The following ACOX3 variants were observed in gnomAD, a reference collection of about 807,000 sequenced individuals.
ACOX3 encodes the protein acyl-CoA oxidase 3, pristanoyl.
A neutral mutation model predicts 81.5 loss-of-function variants in ACOX3; 73 were observed. The observed-to-expected ratio is 0.90, with a 90% CI of 0.74 to 1.09. The LOEUF (loss-of-function observed/expected upper bound fraction) is 1.09. ACOX3 is among the 50% of genes least tolerant of loss of function. The pLI, the probability that ACOX3 is intolerant of heterozygous loss-of-function variation, is 0.00. For synonymous variants in ACOX3, 387 were observed against 375.1 expected, an observed-to-expected ratio of 1.03 and a Z score of -0.37; for missense variants, 947 against 928.0, an observed-to-expected ratio of 1.02 and a Z score of -0.27.
chr4:8,433,355 C>T (rs777979745), intron 1 of ACOX3, among the ~76,000 whole-genome samples: 35 of 152,356 alleles, frequency 2.3e-4, no homozygotes, highest in Non-Finnish European at 3.7e-4. Flanking sequence ...AAGAACACCA[C>T]GTAACCACGG....
intron 1 of ACOX3, among the ~76,000 whole-genome samples, chr4:8,435,746 C>G (rs1724200917): frequency 6.6e-6 from 1 of 152,188 alleles, no homozygotes; most frequent in Non-Finnish European, 1.5e-5. Flanking sequence ...AACAGCTGCA[C>G]CAGCAGACAC....
At position 8,433,152 on chromosome 4, in the gene ACOX3, TG is replaced by T. The variant is rs563241905; in HGVS notation, c.-15+7495del. ...CTCCCTGGACCCAGCAGCCTCTGGC[TG>T]GGGCCTGCTTCCCCAAAGGGAAACA... On this transcript the variant is annotated intron_variant, in intron 1 of 17. Coordinates refer to ENST00000356406, the MANE Select transcript of ACOX3 (RefSeq NM_003501.3). Among the ~76,000 whole-genome samples, 822 of 152,346 alleles carry T rather than the reference TG, an allele frequency of 5.4e-3. 5 individuals carry two copies. The highest frequency in any genetic ancestry group is 0.019 in the African/African-American group (785 of 41,580).
the ACOX3 span, chr4:8,357,794 A>G: frequency 1.8e-5 from 3 of 167,228 alleles, no homozygotes; most frequent in Non-Finnish European, 4.0e-5. Context: ...TCCGCCGCCC[A>G]CAGACAACAC....
intron 1 of ACOX3, chr4:8,428,314 C>G (rs1021109221): frequency 1.4e-4 from 21 of 152,784 alleles, no homozygotes; most frequent in African/African-American, 5.1e-4. Context: ...CACCTTCGGG[C>G]TCCCCGGTCC....
rs1197836546 is a variant in ACOX3 at position 8,389,182 on chromosome 4, C to T, written c.1528G>A (p.Asp510Asn). 6.2e-7 allele frequency: 1 copy of T among 1,613,716 alleles called. No individual in the cohort carries two copies. Among genetic ancestry groups the T allele is most frequent in the South Asian group, 1.1e-5 (1 of 90,992 alleles). ...FEVSSVADCL[D>N]SAVALAAYKW... Reference sequence around the variant, plus strand: ...CCACCTGTGTGTTTACCTGCAGAGTCCAAGCAGTCGGCAACACTGGAGACC... The same window carrying T: ...CCACCTGTGTGTTTACCTGCAGAGTTCAAGCAGTCGGCAACACTGGAGACC... Residue 510 changes from aspartate to asparagine, a missense_variant, in exon 13 of 18, where the codon GAC (aspartate) becomes AAC (asparagine). Transcript: ENST00000356406. This position sits in a 1 kb window ranked among gnomAD's most constrained non-coding sequence, Gnocchi z 5.3.
chr4:8,368,312 G>A lies in ACOX3; in HGVS notation c.1984-1232C>T, dbSNP rs1715726077. 2.0e-5 allele frequency among the ~76,000 whole-genome samples: 3 copies of A among 152,242 alleles called. No individual in the cohort carries two copies. Among genetic ancestry groups the A allele is most frequent in the South Asian group, 2.1e-4 (1 of 4,836 alleles). On this transcript the variant is annotated intron_variant, in intron 17 of 17. Transcript: ENST00000356406. The surrounding 1 kb of genome is among the most constrained non-coding windows in gnomAD (Gnocchi z 5.9). Reference sequence around the variant, plus strand: ...CCTCACTGGGAAGATGGGGAGAGACGCTCCTGTCTTGGAGGAAGGTTGTAC... The same window carrying A: ...CCTCACTGGGAAGATGGGGAGAGACACTCCTGTCTTGGAGGAAGGTTGTAC...
intron 1 of ACOX3, among the ~76,000 whole-genome samples, chr4:8,417,572 C>T (rs1722478773): frequency 6.6e-6 from 1 of 152,228 alleles, no homozygotes; most frequent in Admixed American, 6.5e-5. Context: ...GAGAAGGGCT[C>T]CAAGCCCAGC....
rs756156895 is a variant in ACOX3, at chr4:8,392,504, C to G, written c.1180-51G>C. 6 of 1,470,682 alleles carry G rather than the reference C, an allele frequency of 4.1e-6. No homozygotes were observed. In the East Asian group the frequency reaches 1.2e-4, roughly 30 times the overall value. 91.1% of individuals were successfully genotyped at this position (1,470,682 alleles called of 1,614,324 possible). Reference sequence around the variant, plus strand: ...ACAGGTGAAAAGAGACTTTAGACACCAAAAAGTCATAAGTCAGCAATAGCA... The same window carrying G: ...ACAGGTGAAAAGAGACTTTAGACACGAAAAAGTCATAAGTCAGCAATAGCA... On this transcript the variant is annotated intron_variant, in intron 10 of 17. Coordinates refer to ENST00000356406, the MANE Select transcript of ACOX3 (RefSeq NM_003501.3).
At chr4:8,426,408 A>G (rs115209303) in intron 1 of ACOX3, among the ~76,000 whole-genome samples, 1,663 of 152,162 alleles carry the variant, frequency 0.011, 32 homozygotes, top group African/African-American at 0.039. Flanking sequence ...TTCAGGAGAC[A>G]ACGCTAGCTA....
rs941863265 is a variant in ACOX3 at position 8,419,721 on chromosome 4, G to A, written c.-14-3186C>T. 2.6e-5 allele frequency among the ~76,000 whole-genome samples: 4 copies of A among 152,108 alleles called. No individual in the cohort carries two copies. The highest frequency in any genetic ancestry group is 6.6e-5 in the Admixed American group (1 of 15,262). On this transcript the variant is annotated intron_variant, in intron 1 of 17. Transcript: ENST00000356406. The surrounding 1 kb of genome is among the most constrained non-coding windows in gnomAD (Gnocchi z 4.2). ...CTCGTGAGCTCATTTGGCAGTCAAC[G>A]GCAATTCCCCACCTCTCATGTTCTG...
At chr4:8,436,191 C>CT (rs923058060) in intron 1 of ACOX3, 1 of 152,174 alleles carries the variant, frequency 6.6e-6, no homozygotes, top group Non-Finnish European at 1.5e-5. Flanking sequence ...CGAGCATTAA[C>CT]TGTGTAGAGG....
intron 5 of ACOX3, among the ~76,000 whole-genome samples, chr4:8,413,302 T>C: frequency 1.3e-5 from 1 of 75,838 alleles, no homozygotes; most frequent in East Asian, 4.2e-4. Flanking sequence ...GTGTCCCGTC[T>C]CACTGCACCC....
downstream of ACOX3, among the ~76,000 whole-genome samples, chr4:8,363,833 G>A (rs1170537237): frequency 3.3e-5 from 5 of 152,080 alleles, no homozygotes; most frequent in Admixed American, 2.0e-4. Flanking sequence ...ACTCCCACCA[G>A]CGCCATGACA....
At chr4:8,373,741 G>A in intron 15 of ACOX3, 113 bp from the exon 16 acceptor site, 2 of 919,404 alleles carry the variant, frequency 2.2e-6, no homozygotes, top group South Asian at 2.9e-5. Context: ...CCTGTTTTGG[G>A]TGAACACATC....
rs2108949842 is a variant in ACOX3, at chr4:8,409,476, T to C, written c.687+736A>G. On this transcript the variant is annotated intron_variant, in intron 6 of 17. Coordinates refer to ENST00000356406, the MANE Select transcript of ACOX3 (RefSeq NM_003501.3). ...ACCATAGGCGGGGCTGTCTGCACTG[T>C]GGGCAGGACTGTCTGCACTGTGGGT... Among the ~76,000 whole-genome samples, 2 of 148,238 alleles carry C rather than the reference T, an allele frequency of 1.3e-5. 1 individual carries two copies. Among genetic ancestry groups the C allele is most frequent in the African/African-American group, 5.0e-5 (2 of 40,332 alleles).
chr4:8,372,612 C>T (rs916166943), intron 16 of ACOX3, among the ~76,000 whole-genome samples: 2 of 152,164 alleles, frequency 1.3e-5, no homozygotes, highest in African/African-American at 4.8e-5. Context: ...ACGTGCGCCA[C>T]AATCAGACAC....
chr4:8,426,916 T>C (rs564198763), intron 1 of ACOX3, among the ~76,000 whole-genome samples: 1 of 152,206 alleles, frequency 6.6e-6, no homozygotes, highest in Admixed American at 6.5e-5. Flanking sequence ...CGAGGAAATC[T>C]CAACTGCATG....
At chr4:8,397,174 C>A in intron 8 of ACOX3, 55 bp from the exon 9 acceptor site, 1 of 1,459,596 alleles carries the variant, frequency 6.9e-7, no homozygotes, top group Non-Finnish European at 9.1e-7. Context: ...CCACCTTGGG[C>A]AGAGTGGCTC....
intron 13 of ACOX3, among the ~76,000 whole-genome samples, chr4:8,388,623 G>A (rs1012615256): frequency 1.3e-5 from 2 of 152,272 alleles, no homozygotes; most frequent in Non-Finnish European, 2.9e-5. Flanking sequence ...GGCTGTCCGT[G>A]GCCAGCTCTG....
Sources: allele counts gnomAD v4.1 joint callset (sites outside exome capture counted in the v4.1 genomes callset), GRCh38; gene constraint gnomAD v4.1.1; non-coding constraint Gnocchi (gnomAD v3.1); transcripts MANE v1.5; gene names NCBI Gene and HGNC (gene_info 2026-07-23, HGNC 2026-07-21).